The following CSPP1 variants were observed in gnomAD, a reference collection of about 807,000 sequenced individuals.
CSPP1 encodes centrosome and spindle pole associated protein 1, also known as centrosome and spindle pole-associated protein 1.
In CSPP1, 126 loss-of-function variants were observed where a neutral mutation model predicts 164.4. That is an observed-to-expected ratio of 0.77 (90% CI 0.66 to 0.89). The LOEUF (loss-of-function observed/expected upper bound fraction) is 0.89. CSPP1 is among the 40% of genes least tolerant of loss of function. The probability of loss-of-function intolerance (pLI) is 0.00; values close to 1 mark genes in which losing one functional copy is unlikely to be tolerated. For synonymous variants in CSPP1, 472 were observed against 476.7 expected (o/e 0.99, Z 0.13); for missense variants, 1,395 against 1,449.8 (o/e 0.96, Z 0.61).
intron 15 of CSPP1, among the ~76,000 whole-genome samples, chr8:67,129,662 T>C (rs1243870150): frequency 6.6e-6 from 1 of 152,204 alleles, no homozygotes; most frequent in Non-Finnish European, 1.5e-5. Flanking sequence ...ATTCATGCGA[T>C]GAAGTACTAC....
intron 17 of CSPP1, among the ~76,000 whole-genome samples, chr8:67,138,204 T>C (rs1822750978): frequency 6.6e-6 from 1 of 152,228 alleles, no homozygotes; most frequent in Non-Finnish European, 1.5e-5. Context: ...CAACTTGTTA[T>C]ATACAGTTGT....
chr8:67,093,849 G>T (rs1487899095), intron 6 of CSPP1, among the ~76,000 whole-genome samples: 4 of 151,736 alleles, frequency 2.6e-5, no homozygotes, highest in Admixed American at 2.0e-4. Context: ...CATTTAATTG[G>T]GGAGATTTAA....
At chr8:67,140,495 T>C (rs1208663875) in intron 17 of CSPP1, among the ~76,000 whole-genome samples, 1 of 152,208 alleles carries the variant, frequency 6.6e-6, no homozygotes, top group East Asian at 1.9e-4. Flanking sequence ...TCTTATTACT[T>C]TCTTTATCAA....
At chr8:67,119,074 A>G (rs1818492045) in intron 15 of CSPP1, among the ~76,000 whole-genome samples, 1 of 152,080 alleles carries the variant, frequency 6.6e-6, no homozygotes, top group Non-Finnish European at 1.5e-5. Flanking sequence ...CCACCATTCT[A>G]TGTCTCTGAT....
At chr8:67,168,025 G>A (rs552854837) in intron 24 of CSPP1, among the ~76,000 whole-genome samples, 1 of 152,284 alleles carries the variant, frequency 6.6e-6, no homozygotes, top group African/African-American at 2.4e-5. Flanking sequence ...CTGAGTGAAC[G>A]AGACTCCGTC....
Position 67,095,603 on chromosome 8 carries a change from A to T in CSPP1, c.794A>T (p.Glu265Val). The T allele has an allele frequency of 6.2e-7, 1 of 1,614,040 alleles. No individual in the cohort carries two copies. The highest frequency in any genetic ancestry group is 8.5e-7 in the Non-Finnish European group (1 of 1,179,974). Reference sequence around the variant, plus strand: ...GATAGAAGATTTCACAGATTTAATGAGGATCGTGTTTTTGATAGACGGTAT... The same window carrying T: ...GATAGAAGATTTCACAGATTTAATGTGGATCGTGTTTTTGATAGACGGTAT... ...IPDRRFHRFN[E>V]DRVFDRRYHR... Residue 265 changes from glutamate to valine, a missense_variant, in exon 7 of 31, where the codon GAG becomes GTG. Physicochemically the swap from Glu to Val is moderately radical, Grantham distance 121. Transcript: ENST00000678616.
chr8:67,191,207 C>T (rs1442498150), intron 29 of CSPP1, among the ~76,000 whole-genome samples: 1 of 152,206 alleles, frequency 6.6e-6, no homozygotes, highest in African/African-American at 2.4e-5. Context: ...CCCAGCTTTA[C>T]AATATAGCCA....
intron 15 of CSPP1, among the ~76,000 whole-genome samples, chr8:67,131,667 T>C (rs1433036644): frequency 6.6e-6 from 1 of 152,236 alleles, no homozygotes; most frequent in Non-Finnish European, 1.5e-5. Context: ...CTAAGTCATA[T>C]GTGTACTGTT....
In CSPP1 at chr8:67,118,226, T is replaced by A. The variant is rs760407916; in HGVS notation, c.1497-22T>A. ...ATTGCAATGAAATATGAGAGGAATT[T>A]TTCATCTTTCTTTTCATACAGGATT... On this transcript the variant is annotated intron_variant, in intron 13 of 30. Transcript: ENST00000678616. 2.1e-5 allele frequency: 34 copies of A among 1,608,540 alleles called. No homozygotes were observed. The East Asian group carries it at 7.1e-4, about 34-fold the overall frequency.
At chr8:67,099,709 A>G (rs1813620431) in intron 7 of CSPP1, among the ~76,000 whole-genome samples, 1 of 152,154 alleles carries the variant, frequency 6.6e-6, no homozygotes, top group Non-Finnish European at 1.5e-5. Context: ...AGACCATAAA[A>G]GCTGTTTTAA....
At chr8:67,162,856 G>A (rs773039176) in intron 22 of CSPP1, among the ~76,000 whole-genome samples, 1 of 152,156 alleles carries the variant, frequency 6.6e-6, no homozygotes, top group Non-Finnish European at 1.5e-5. Flanking sequence ...CAAGTTTTTG[G>A]TGAGGGTTAC....
intron 8 of CSPP1, 33 bp from the exon 9 acceptor site, chr8:67,105,872 A>G: frequency 8.0e-7 from 1 of 1,250,632 alleles, no homozygotes; most frequent in Non-Finnish European, 1.2e-6. Flanking sequence ...CTGGATTTTA[A>G]TTTACTCTTT....
intron 7 of CSPP1, among the ~76,000 whole-genome samples, chr8:67,098,722 CTTAT>C (rs1003158030): frequency 6.6e-6 from 1 of 151,950 alleles, no homozygotes; most frequent in Non-Finnish European, 1.5e-5. Context: ...TAATCCTAGT[CTTAT>C]TTATTAACTT....
chr8:67,167,357 C>G (rs988058772), intron 24 of CSPP1, among the ~76,000 whole-genome samples: 3 of 149,024 alleles, frequency 2.0e-5, no homozygotes, highest in Non-Finnish European at 3.0e-5. Flanking sequence ...GGCTGCCCCC[C>G]ACCTCCCACC....
intron 28 of CSPP1, among the ~76,000 whole-genome samples, chr8:67,187,529 T>C (rs1835008983): frequency 6.6e-6 from 1 of 151,750 alleles, no homozygotes; most frequent in African/African-American, 2.4e-5. Context: ...AAAAAAAATA[T>C]TTTAAATTAG....
At chr8:67,116,866 A>T (rs928293370) in intron 13 of CSPP1, among the ~76,000 whole-genome samples, 10 of 152,224 alleles carry the variant, frequency 6.6e-5, no homozygotes, top group African/African-American at 2.2e-4. Flanking sequence ...GGACTGTATT[A>T]TTTCAGTAGA....
chr8:67,074,785 GCTT>G (rs1014614512), intron 2 of CSPP1: 5 of 308,836 alleles, frequency 1.6e-5, no homozygotes, highest in Admixed American at 4.7e-5. Context: ...TAAAATAATT[GCTT>G]TTTTTTTTTT....
chr8:67,104,142 T>G (rs1414822782), intron 8 of CSPP1, among the ~76,000 whole-genome samples: 1 of 152,212 alleles, frequency 6.6e-6, no homozygotes, highest in Non-Finnish European at 1.5e-5. Flanking sequence ...ATGTCTATTT[T>G]TTTCTAAGAA....
At chr8:67,085,438 A>G (rs899107538) in intron 3 of CSPP1, among the ~76,000 whole-genome samples, 7 of 152,004 alleles carry the variant, frequency 4.6e-5, no homozygotes, top group African/African-American at 1.7e-4. Context: ...TCTCAGAAAC[A>G]TGTTATATTA....
Sources: allele counts gnomAD v4.1 joint callset (sites outside exome capture counted in the v4.1 genomes callset), GRCh38; gene constraint gnomAD v4.1.1; transcripts MANE v1.5; gene names NCBI Gene and HGNC (gene_info 2026-07-23, HGNC 2026-07-21).